The following KNL1 variants were observed in gnomAD, a reference collection of about 807,000 sequenced individuals.
KNL1 encodes the protein kinetochore scaffold 1, also known as outer kinetochore KNL1 complex subunit KNL1.
In KNL1, 66 loss-of-function variants were observed where a neutral mutation model predicts 201.3. The ratio of observed to expected loss-of-function variants is 0.33; its 90% CI spans 0.27 to 0.40. The LOEUF (loss-of-function observed/expected upper bound fraction) is 0.40, where lower values mean the gene tolerates loss of function less well. Among genes scored for constraint, KNL1 ranks in the 10% least tolerant of loss-of-function variants. The pLI is 1.00. For synonymous variants in KNL1, 895 were observed against 899.2 expected (o/e 1.00, Z 0.08); for missense variants, 2,815 against 2,690.5 (o/e 1.05, Z -1.02).
At chr15:40,645,137 G>T (rs759469358) in intron 15 of KNL1, 50 bp downstream of exon 15, 1 of 1,235,912 alleles carries the variant, frequency 8.1e-7, no homozygotes, top group South Asian at 1.2e-5. Flanking sequence ...CATTCTGAAC[G>T]ATGTTTATTG....
chr15:40,641,785 C>A (rs970364387), intron 14 of KNL1, among the ~76,000 whole-genome samples: 3 of 152,170 alleles, frequency 2.0e-5, no homozygotes, highest in Admixed American at 2.0e-4. Context: ...ATATATAGTG[C>A]CTGAAATCAG....
Position 40,647,047 on chromosome 15 carries a change from G to A in KNL1, c.6067G>A (p.Asp2023Asn), listed in dbSNP as rs758479738. 6 of 1,535,346 alleles carry A rather than the reference G, an allele frequency of 3.9e-6. No homozygotes were observed. Among genetic ancestry groups the A allele is most frequent in the East Asian group, 2.3e-5 (1 of 44,424 alleles). ...DEMDKILKKI[D>N]NCLTEMETET... ...GATGGATAAAATACTTAAGAAGATCGATAACTGCCTCACTGAGATGGAAAC... is the reference window on the plus strand; with the variant it reads ...GATGGATAAAATACTTAAGAAGATCAATAACTGCCTCACTGAGATGGAAAC... The change falls in exon 17 of 26, where the codon GAT becomes AAT. Residue 2023 changes from aspartate (D) to asparagine (N), a missense_variant. Physicochemically the swap from Asp to Asn is conservative, Grantham distance 23. Coordinates refer to ENST00000399668, the MANE Select transcript of KNL1 (RefSeq NM_144508.5).
rs1893750885 is a variant in KNL1, at chr15:40,656,929, T to G, written c.6485-113T>G. On this transcript the variant is annotated intron_variant, in intron 22 of 25. Coordinates refer to ENST00000399668, the MANE Select transcript of KNL1 (RefSeq NM_144508.5). ...AGAAAAAATGGAGAGAATACTTATG[T>G]ACCTGGTAGTTTGAGAATATTTCTA... The G allele has an allele frequency of 6.0e-6, 3 of 503,176 alleles. No homozygotes were observed. In the Admixed American group the frequency reaches 1.1e-4, roughly 19 times the overall value. The allele number at this position is 503,176 out of a possible 1,614,324, so 31.2% of individuals were successfully genotyped here.
At chr15:40,629,171 A>G (rs781068474) in intron 12 of KNL1, 102 bp from the exon 13 acceptor site, 11 of 593,976 alleles carry the variant, frequency 1.9e-5, no homozygotes, top group Non-Finnish European at 2.3e-5. Context: ...ATATTTCCAT[A>G]AATGTATACA....
intron 13 of KNL1, among the ~76,000 whole-genome samples, chr15:40,632,042 A>C (rs903437378): frequency 2.0e-5 from 3 of 151,730 alleles, no homozygotes; most frequent in Non-Finnish European, 2.9e-5. Flanking sequence ...TCCAAAAGCT[A>C]TACTTTGAAA....
rs1202392435 is a variant in KNL1 at position 40,624,304 on chromosome 15, G to C, written c.4040G>C (p.Ser1347Thr). Residue 1347 changes from serine to threonine, a missense_variant, in exon 10 of 26, where the codon AGT (serine) becomes ACT (threonine). This residue lies in a region of KNL1 where 2,464 missense variants were observed against 2,291.7 expected (regional missense o/e 1.08). Transcript: ENST00000399668. Reference sequence around the variant, plus strand: ...CTTGCTTATGCAAATGATTTTGCCAGTGAATATTACTTGGAATCTGAGGGA... The same window carrying C: ...CTTGCTTATGCAAATGATTTTGCCACTGAATATTACTTGGAATCTGAGGGA... ...NDLAYANDFA[S>T]EYYLESEGQP... 6.2e-7 allele frequency: 1 copy of C among 1,614,058 alleles called. No individual in the cohort carries two copies.
intron 14 of KNL1, among the ~76,000 whole-genome samples, chr15:40,644,722 T>C (rs1396508954): frequency 6.6e-6 from 1 of 152,240 alleles, no homozygotes; most frequent in Non-Finnish European, 1.5e-5. Flanking sequence ...CTTGTAAACA[T>C]TTTGTCAACA....
At chr15:40,638,983 G>C (rs924859072) in intron 13 of KNL1, among the ~76,000 whole-genome samples, 3 of 150,024 alleles carry the variant, frequency 2.0e-5, no homozygotes, top group Admixed American at 2.0e-4. Context: ...GGCTAATTTT[G>C]TATTTTGTAT....
At chr15:40,609,931 C>G (rs931713114) in intron 5 of KNL1, among the ~76,000 whole-genome samples, 5 of 152,110 alleles carry the variant, frequency 3.3e-5, no homozygotes, top group Admixed American at 3.3e-4. Context: ...TGAGGCTACT[C>G]GGGAGGCTGA....
chr15:40,598,227 A>T (rs1211086860), intron 1 of KNL1, among the ~76,000 whole-genome samples: 1 of 152,084 alleles, frequency 6.6e-6, no homozygotes, highest in Non-Finnish European at 1.5e-5. Context: ...AAGGAGAAAA[A>T]ATATGCGAGT....
intron 1 of KNL1, among the ~76,000 whole-genome samples, chr15:40,600,316 C>T (rs766320496): frequency 4.6e-5 from 7 of 152,224 alleles, no homozygotes; most frequent in Non-Finnish European, 7.3e-5. Context: ...CTGAGGTGAT[C>T]CATCCACCTT....
At chr15:40,639,117 A>C (rs1003311167) in intron 13 of KNL1, among the ~76,000 whole-genome samples, 1 of 151,392 alleles carries the variant, frequency 6.6e-6, no homozygotes, top group Non-Finnish European at 1.5e-5. Flanking sequence ...TAACCAGTAC[A>C]TATAGTTTTG....
At chr15:40,601,757 G>A (rs1417285751) in intron 1 of KNL1, among the ~76,000 whole-genome samples, 1 of 150,264 alleles carries the variant, frequency 6.7e-6, no homozygotes, top group Admixed American at 6.6e-5. Context: ...GAACCCGGGA[G>A]GCGGAGCTTG....
At chr15:40,653,637 A>T (rs1893636959) in intron 21 of KNL1, among the ~76,000 whole-genome samples, 1 of 152,166 alleles carries the variant, frequency 6.6e-6, no homozygotes, top group Admixed American at 6.5e-5. Context: ...GATTACTGAA[A>T]ATCTGACTAT....
chr15:40,622,519 T>A lies in KNL1; in HGVS notation c.2255T>A (p.Met752Lys). The change falls in exon 10 of 26, where the codon ATG (methionine) becomes AAG (lysine). Residue 752 changes from methionine to lysine, a missense_variant. Coordinates refer to ENST00000399668, the MANE Select transcript of KNL1 (RefSeq NM_144508.5). ...NPTPDYCHDK[M>K]IICSEEEQNM... is the part of the protein sequence containing the mutation. ...ACACCTGACTATTGCCATGACAAGA[T>A]GATTATATGTTCAGAGGAAGAGCAA... 6.2e-7 allele frequency: 1 copy of A among 1,613,948 alleles called. No individual in the cohort carries two copies. The highest frequency in any genetic ancestry group is 8.5e-7 in the Non-Finnish European group (1 of 1,179,882).
At chr15:40,638,785 G>A (rs1362210231) in intron 13 of KNL1, among the ~76,000 whole-genome samples, 13 of 141,446 alleles carry the variant, frequency 9.2e-5, no homozygotes, top group Admixed American at 8.4e-4. Flanking sequence ...GAGCCACCGC[G>A]CTGGCTGCCA....
Position 40,650,374 on chromosome 15 carries a change from A to G in KNL1, c.6168A>G (p.Glu2056=), listed in dbSNP as rs371030290. Reference sequence around the variant, plus strand: ...GGGATTCTGAAATGAGAGCTGCAGAAAAAGGTAATTGAATTAGTTAAGGAG... The same window carrying G: ...GGGATTCTGAAATGAGAGCTGCAGAGAAAGGTAATTGAATTAGTTAAGGAG... The part of the protein sequence containing the change: ...EEWDSEMRAA[E]KELEQLKTEE... The change falls in exon 18 of 26, where the codon GAA becomes GAG. Residue 2056 remains glutamate, a synonymous_variant. Transcript: ENST00000399668. The G allele has an allele frequency of 2.0e-5, 33 of 1,611,368 alleles. No homozygotes were observed. In the African/African-American group the frequency reaches 3.9e-4, roughly 19 times the overall value.
chr15:40,644,157 CAAG>C lies in KNL1; in HGVS notation c.5799-836_5799-834del, dbSNP rs1411938016. Among the ~76,000 whole-genome samples, 3 of 152,210 alleles carry C rather than the reference CAAG, an allele frequency of 2.0e-5. No individual in the cohort carries two copies. In the East Asian group the frequency reaches 5.8e-4, roughly 29 times the overall value. On this transcript the variant is annotated intron_variant, in intron 14 of 25. Coordinates refer to ENST00000399668, the MANE Select transcript of KNL1 (RefSeq NM_144508.5). ...TTGATTATTATCTTCATTATTTCAG[CAAG>C]AAGGAATGTAGTAGGAGAGCAGGGT...
chr15:40,618,043 A>G (rs1182230089), intron 8 of KNL1, among the ~76,000 whole-genome samples: 2 of 146,500 alleles, frequency 1.4e-5, no homozygotes, highest in East Asian at 3.9e-4. Context: ...ATATGTACTC[A>G]AGCTCGTCAT....
Sources: allele counts gnomAD v4.1 joint callset (sites outside exome capture counted in the v4.1 genomes callset), GRCh38; gene constraint gnomAD v4.1.1; regional missense constraint gnomAD v4.1.1; transcripts MANE v1.5; gene names NCBI Gene and HGNC (gene_info 2026-07-23, HGNC 2026-07-21).